The following PTPRD variants were observed in gnomAD, a reference collection of about 807,000 sequenced individuals.
PTPRD encodes the protein protein tyrosine phosphatase receptor type D.
A neutral mutation model predicts 214.5 loss-of-function variants in PTPRD; 34 were observed. That is an observed-to-expected ratio of 0.16 (90% CI 0.12 to 0.21). The LOEUF is 0.21. Ranked by LOEUF, PTPRD falls within the 10% of genes least tolerant of loss-of-function variation. PTPRD has a pLI of 1.00. For synonymous variants in PTPRD, 1,128 were observed against 845.7 expected (o/e 1.33, Z -5.79); for missense variants, 2,545 against 2,398.7 (o/e 1.06, Z -1.27).
chr9:10,377,150 G>C (rs868539973), intron 2 of PTPRD, among the ~76,000 whole-genome samples: 22 of 151,942 alleles, frequency 1.4e-4, no homozygotes, highest in African/African-American at 5.1e-4. Flanking sequence ...AGTGAGAAAT[G>C]TGATGTTTGT....
At chr9:10,182,259 C>CAAAAAAAAAAAAAAAAAAAAAAA (rs3075574) in intron 3 of PTPRD, among the ~76,000 whole-genome samples, 17 of 54,440 alleles carry the variant, frequency 3.1e-4, no homozygotes, top group East Asian at 9.1e-4. Context: ...GACTCTGCCT[C>CAAAAAAAAAAAAAAAAAAAAAAA]AAAAAAAAAA....
chr9:9,766,212 A>G (rs1432525380), intron 6 of PTPRD, among the ~76,000 whole-genome samples: 3 of 152,054 alleles, frequency 2.0e-5, no homozygotes, highest in Admixed American at 2.0e-4. Context: ...TGATCTTTTC[A>G]ATAATCTTTA....
At chr9:8,617,163 G>A (rs2095640271) in intron 14 of PTPRD, among the ~76,000 whole-genome samples, 4 of 152,034 alleles carry the variant, frequency 2.6e-5, no homozygotes, top group Admixed American at 2.0e-4. Context: ...AACCTTGGAT[G>A]GGTCAAGGGA....
At chr9:10,494,095 G>C (rs13294936) in intron 2 of PTPRD, among the ~76,000 whole-genome samples, 1 of 151,694 alleles carries the variant, frequency 6.6e-6, no homozygotes, top group Non-Finnish European at 1.5e-5. Context: ...CCATCAAGTC[G>C]ACATCTGTGA....
At chr9:9,648,338 A>G (rs2096249716) in intron 7 of PTPRD, among the ~76,000 whole-genome samples, 1 of 152,222 alleles carries the variant, frequency 6.6e-6, no homozygotes. Flanking sequence ...AGGTGGGACC[A>G]GAATCCAACT....
Position 9,569,993 on chromosome 9 carries a change from T to C in PTPRD, c.-237+4739A>G, listed in dbSNP as rs151120824. ...TTTCAGAAATATCAGTTGAAAGTGCTCATCAGAACTAGAACTCCATTTTTC... is the reference window on the plus strand; with the variant it reads ...TTTCAGAAATATCAGTTGAAAGTGCCCATCAGAACTAGAACTCCATTTTTC... On this transcript the variant is annotated intron_variant, in intron 8 of 45. Transcript: ENST00000381196. 3.0e-3 allele frequency among the ~76,000 whole-genome samples: 456 copies of C among 151,542 alleles called. 2 individuals are homozygous for C. The highest frequency in any genetic ancestry group is 0.01 in the African/African-American group (432 of 41,478).
At chr9:10,193,526 C>A (rs908672614) in intron 3 of PTPRD, among the ~76,000 whole-genome samples, 1 of 152,058 alleles carries the variant, frequency 6.6e-6, no homozygotes, top group African/African-American at 2.4e-5. Flanking sequence ...GGGAGGGAAC[C>A]AACACCTTTG....
chr9:10,124,530 G>A (rs890241343), intron 3 of PTPRD, among the ~76,000 whole-genome samples: 1 of 152,082 alleles, frequency 6.6e-6, no homozygotes, highest in Admixed American at 6.6e-5. Context: ...ATATTTATCC[G>A]TCAAATCCAT....
chr9:9,236,862 C>T (rs1016604399), intron 9 of PTPRD, among the ~76,000 whole-genome samples: 1 of 152,052 alleles, frequency 6.6e-6, no homozygotes, highest in Admixed American at 6.5e-5. Context: ...ACCGCCAGCT[C>T]TCAATGTGTT....
At chr9:8,774,043 T>C (rs2095354386) in intron 11 of PTPRD, among the ~76,000 whole-genome samples, 1 of 152,160 alleles carries the variant, frequency 6.6e-6, no homozygotes, top group Admixed American at 6.5e-5. Flanking sequence ...CAATCTCCTG[T>C]TACAGTGCCC....
intron 2 of PTPRD, among the ~76,000 whole-genome samples, chr9:10,509,320 G>A (rs1429367289): frequency 1.3e-5 from 2 of 151,288 alleles, no homozygotes; most frequent in Non-Finnish European, 2.9e-5. Context: ...TATTTCTTCA[G>A]TTGTTTATAA....
intron 11 of PTPRD, among the ~76,000 whole-genome samples, chr9:8,957,664 C>T (rs1038819943): frequency 7.2e-5 from 11 of 151,880 alleles, no homozygotes; most frequent in African/African-American, 2.4e-4. Context: ...ATGTACATCT[C>T]ATCTGCAGCT....
intron 5 of PTPRD, among the ~76,000 whole-genome samples, chr9:9,921,767 T>C (rs908007968): frequency 6.8e-5 from 10 of 148,064 alleles, no homozygotes; most frequent in Admixed American, 4.8e-4. Flanking sequence ...AAAAAAAAAC[T>C]AAAGATAGTA....
chr9:8,344,572 C>T (rs10976975), intron 39 of PTPRD, among the ~76,000 whole-genome samples: 3 of 151,780 alleles, frequency 2.0e-5, no homozygotes, highest in African/African-American at 7.3e-5. Flanking sequence ...TTTTCCCCCA[C>T]AATTCAAAAT....
intron 3 of PTPRD, among the ~76,000 whole-genome samples, chr9:10,094,834 C>G (rs1286640078): frequency 6.6e-6 from 1 of 151,366 alleles, no homozygotes. Flanking sequence ...AAGCTTTCAT[C>G]CTTGTTTCAC....
chr9:10,207,863 A>G (rs2099491732), intron 3 of PTPRD, among the ~76,000 whole-genome samples: 1 of 152,056 alleles, frequency 6.6e-6, no homozygotes. Flanking sequence ...AACAACAACA[A>G]CAGAAAAAAA....
chr9:8,346,574 G>T (rs1352863269), intron 39 of PTPRD, among the ~76,000 whole-genome samples: 1 of 152,052 alleles, frequency 6.6e-6, no homozygotes, highest in African/African-American at 2.4e-5. Flanking sequence ...CAATCCCTTT[G>T]TCCAGTGTAT....
chr9:10,097,750 C>A (rs2098506408), intron 3 of PTPRD, among the ~76,000 whole-genome samples: 1 of 151,814 alleles, frequency 6.6e-6, no homozygotes, highest in African/African-American at 2.4e-5. Flanking sequence ...TGCCTGATTG[C>A]CCTGGCCAGA....
At chr9:10,125,450 A>G (rs1421463106) in intron 3 of PTPRD, among the ~76,000 whole-genome samples, 2 of 108,522 alleles carry the variant, frequency 1.8e-5, no homozygotes, top group Non-Finnish European at 2.0e-5. Flanking sequence ...TATTATTATT[A>G]TTATTATTAT....
Sources: gnomAD v4.1 joint callset for allele counts (sites outside exome capture counted in the v4.1 genomes callset) on GRCh38, gnomAD v4.1.1 for gene constraint, MANE v1.5 for transcripts, NCBI Gene and HGNC (gene_info 2026-07-23, HGNC 2026-07-21) for gene names.